The following GRIN2B variants were observed in gnomAD, a reference collection of about 807,000 sequenced individuals.
GRIN2B encodes the protein glutamate receptor ionotropic, NMDA 2B.
Under a neutral mutation model 114.5 loss-of-function variants are expected in GRIN2B, and 5 were observed. The observed-to-expected ratio is 0.04, with a 90% CI of 0.02 to 0.09. The LOEUF (loss-of-function observed/expected upper bound fraction) is 0.09. Among genes scored for constraint, GRIN2B ranks in the 10% least tolerant of loss-of-function variants. The pLI is 1.00. For synonymous variants in GRIN2B, 787 were observed against 745.1 expected (o/e 1.06, Z -0.92); for missense variants, 1,108 against 1,943.5 (o/e 0.57, Z 8.08).
intron 3 of GRIN2B, among the ~76,000 whole-genome samples, chr12:13,790,086 T>C (rs777775062): frequency 6.6e-6 from 1 of 152,238 alleles, no homozygotes; most frequent in Non-Finnish European, 1.5e-5. Flanking sequence ...TGATCTCCCA[T>C]GGAACTGAGG....
At chr12:13,763,094 G>A (rs1863711982) in intron 3 of GRIN2B, among the ~76,000 whole-genome samples, 1 of 151,152 alleles carries the variant, frequency 6.6e-6, no homozygotes, top group South Asian at 2.1e-4. Flanking sequence ...CTCCAGAAAT[G>A]AAAATAAAAT....
chr12:13,887,997 G>C (rs1248173587), intron 2 of GRIN2B, among the ~76,000 whole-genome samples: 2 of 152,160 alleles, frequency 1.3e-5, no homozygotes, highest in African/African-American at 4.8e-5. Context: ...AAGCCTGTTG[G>C]CTCCTCTGTC....
intron 3 of GRIN2B, among the ~76,000 whole-genome samples, chr12:13,807,340 C>T (rs1320716278): frequency 1.3e-5 from 2 of 152,036 alleles, no homozygotes; most frequent in African/African-American, 2.4e-5. Context: ...TGCATAAAGT[C>T]CTTCACACCA....
At position 13,844,704 on chromosome 12, in the gene GRIN2B, A is replaced by G. The variant is rs569571568; in HGVS notation, c.411+21094T>C. 3.8e-3 allele frequency among the ~76,000 whole-genome samples: 579 copies of G among 152,250 alleles called. 5 individuals are homozygous for G. Among genetic ancestry groups the G allele is most frequent in the African/African-American group, 0.013 (554 of 41,530 alleles). ...TTTGACATATCATTTAACTTCTCAG[A>G]GACTTATGGTGATGATGGGGATAGT... On this transcript the variant is annotated intron_variant, in intron 3 of 13. Coordinates refer to ENST00000609686, the MANE Select transcript of GRIN2B (RefSeq NM_000834.5).
intron 4 of GRIN2B, among the ~76,000 whole-genome samples, chr12:13,705,393 G>A (rs909480597): frequency 2.6e-5 from 4 of 152,264 alleles, no homozygotes; most frequent in Middle Eastern, 6.8e-3. Context: ...GAAAGGCATG[G>A]ATGATATAAG....
intron 2 of GRIN2B, among the ~76,000 whole-genome samples, chr12:13,909,459 G>C (rs1313582416): frequency 1.3e-5 from 2 of 152,218 alleles, no homozygotes; most frequent in Non-Finnish European, 2.9e-5. Context: ...GAATGTACGG[G>C]AGGGCAGGAA....
At chr12:13,778,091 T>C (rs1864038620) in intron 3 of GRIN2B, among the ~76,000 whole-genome samples, 1 of 152,228 alleles carries the variant, frequency 6.6e-6, no homozygotes, top group African/African-American at 2.4e-5. Flanking sequence ...GTGTTGTTGA[T>C]AGAGTGGACT....
intron 4 of GRIN2B, among the ~76,000 whole-genome samples, chr12:13,749,594 T>C (rs1863445394): frequency 6.6e-6 from 1 of 152,238 alleles, no homozygotes; most frequent in Admixed American, 6.5e-5. Context: ...TGCAAAGATT[T>C]CCTGCTGTGG....
At position 13,858,640 on chromosome 12, in the gene GRIN2B, C is replaced by T. The variant is rs117382517; in HGVS notation, c.411+7158G>A. Among the ~76,000 whole-genome samples the T allele has an allele frequency of 2.1e-3, 315 of 152,060 alleles. 9 individuals are homozygous for T. In the East Asian group the frequency reaches 0.047, roughly 23 times the overall value. ...TTTTACTACTTCCCACCTAGTACCACGAATATTTTCTTCATGTAATAATTC... is the reference window on the plus strand; with the variant it reads ...TTTTACTACTTCCCACCTAGTACCATGAATATTTTCTTCATGTAATAATTC... On this transcript the variant is annotated intron_variant, in intron 3 of 13. Transcript: ENST00000609686.
chr12:13,612,724 A>G (rs1451982650), intron 8 of GRIN2B, among the ~76,000 whole-genome samples: 2 of 152,214 alleles, frequency 1.3e-5, no homozygotes, highest in East Asian at 3.8e-4. Context: ...GGAGGTGTCC[A>G]GAAACTAGAT....
At chr12:13,768,068 C>A (rs188292715) in intron 3 of GRIN2B, among the ~76,000 whole-genome samples, 147 of 152,292 alleles carry the variant, frequency 9.7e-4, no homozygotes, top group African/African-American at 3.5e-3. Flanking sequence ...ATTAAATATG[C>A]ACTAAAAGAG....
chr12:13,913,247 G>T (rs961957467), intron 2 of GRIN2B, among the ~76,000 whole-genome samples: 21 of 152,102 alleles, frequency 1.4e-4, no homozygotes, highest in African/African-American at 4.8e-4. Context: ...ATTCAAGTAT[G>T]GTTTTAGAGG....
Position 13,547,896 on chromosome 12 carries a change from G to A in GRIN2B, c.*14887C>T, listed in dbSNP as rs2136384811. The A allele has an allele frequency of 6.7e-6, 1 of 148,228 alleles. No homozygotes were observed. The highest frequency in any genetic ancestry group is 2.0e-4 in the East Asian group (1 of 4,996). The allele number at this position is 148,228 out of a possible 1,614,324, so 9.2% of individuals were successfully genotyped here. On this transcript the variant is annotated 3_prime_UTR_variant, in exon 14 of 14. Transcript: ENST00000609686. ...CTTCTAACTTCCACCCAGATATCTG[G>A]CTTCTGTCAATAGGCCTTACCCAAA...
At chr12:13,671,788 G>A (rs1394487952) in intron 5 of GRIN2B, among the ~76,000 whole-genome samples, 1 of 152,112 alleles carries the variant, frequency 6.6e-6, no homozygotes, top group Admixed American at 6.6e-5. Flanking sequence ...CTTTTGAGTG[G>A]TCCAGACACT....
At position 13,563,770 on chromosome 12, in the gene GRIN2B, C is replaced by T. The variant is rs1948589474; in HGVS notation, c.3468G>A (p.Lys1156=). 1.2e-6 allele frequency: 2 copies of T among 1,614,084 alleles called. No individual in the cohort carries two copies. The highest frequency in any genetic ancestry group is 1.1e-5 in the South Asian group (1 of 91,080). ...CGCGCTTAAAGTCATCACTCCGCTCCTTGTAGATGTCGGTCAGGTCTACGT... is the reference window on the plus strand; with the variant it reads ...CGCGCTTAAAGTCATCACTCCGCTCTTTGTAGATGTCGGTCAGGTCTACGT... The part of the protein sequence containing the change: ...WEHVDLTDIY[K]ERSDDFKRDS... Residue 1156 remains lysine (K), a synonymous_variant, in exon 14 of 14, where the codon AAG becomes AAA. Transcript: ENST00000609686.
chr12:13,621,569 C>A (rs1949514283), intron 5 of GRIN2B, among the ~76,000 whole-genome samples: 2 of 128,698 alleles, frequency 1.6e-5, no homozygotes, highest in African/African-American at 3.0e-5. Flanking sequence ...TCTTGAGGAC[C>A]AAAATCATCT....
At chr12:13,589,498 A>G (rs773073517) in intron 10 of GRIN2B, among the ~76,000 whole-genome samples, 8 of 152,198 alleles carry the variant, frequency 5.3e-5, no homozygotes, top group Non-Finnish European at 1.0e-4. Flanking sequence ...TTGGACACTA[A>G]CCTTAGTACC....
At position 13,872,450 on chromosome 12, in the gene GRIN2B, G is replaced by A. The variant is rs1282744533; in HGVS notation, c.-18-6224C>T. ...CAGCCTGGCAACAGAGCAAGGCTCCGACTCAAAAAAAAAAAAAAAATAGTG... is the reference window on the plus strand; with the variant it reads ...CAGCCTGGCAACAGAGCAAGGCTCCAACTCAAAAAAAAAAAAAAAATAGTG... On this transcript the variant is annotated intron_variant, in intron 2 of 13. Transcript: ENST00000609686. 6.4e-4 allele frequency among the ~76,000 whole-genome samples: 69 copies of A among 107,794 alleles called. 1 individual carries two copies. The highest frequency in any genetic ancestry group is 6.0e-3 in the Admixed American group (53 of 8,828). 70.7% of individuals were successfully genotyped at this position (107,794 alleles called of 152,430 possible). A position where few individuals can be genotyped will look rare whatever the true frequency, so the allele number is the denominator to read the frequency against.
chr12:13,639,079 A>G (rs1304132534), intron 5 of GRIN2B, among the ~76,000 whole-genome samples: 1 of 152,124 alleles, frequency 6.6e-6, no homozygotes, highest in Admixed American at 6.6e-5. Flanking sequence ...CTGAGGAGGG[A>G]GAAAAGTTGA....
Sources: gnomAD v4.1 joint callset for allele counts (sites outside exome capture counted in the v4.1 genomes callset) on GRCh38, gnomAD v4.1.1 for gene constraint, MANE v1.5 for transcripts, NCBI Gene and HGNC (gene_info 2026-07-23, HGNC 2026-07-21) for gene names.